PIGQ: variants seen among roughly 807,000 people sequenced by gnomAD.
PIGQ encodes phosphatidylinositol N-acetylglucosaminyltransferase subunit Q.
In PIGQ, 54 loss-of-function variants were observed where a neutral mutation model predicts 60.3. The ratio of observed to expected loss-of-function variants is 0.90; its 90% CI spans 0.72 to 1.12. PIGQ has a LOEUF of 1.12. Ranked by LOEUF, PIGQ falls within the 50% of genes most tolerant of loss-of-function variation. The pLI, the probability that PIGQ is intolerant of heterozygous loss-of-function variation, is 0.00. For missense variants in PIGQ, 799 were observed against 793.5 expected (o/e 1.01, Z -0.08); for synonymous variants, 416 against 363.7 (o/e 1.14, Z -1.64).
chr16:572,325 A>G (rs4984892), intron 1 of PIGQ, among the ~76,000 whole-genome samples: 70,569 of 151,814 alleles, frequency 0.46, 16,828 homozygotes, highest in East Asian at 0.64. Context: ...TGGGCATTTG[A>G]GGAGTTCTGC....
At chr16:573,979 C>G (rs1411608050) in intron 1 of PIGQ, 87 bp from the exon 2 acceptor site, 23 of 926,064 alleles carry the variant, frequency 2.5e-5, no homozygotes, top group South Asian at 3.3e-5. Flanking sequence ...TGTGGCTGCA[C>G]CTGTCAGGCC....
At position 578,523 on chromosome 16, in the gene PIGQ, G is replaced by C; in HGVS notation, c.1069+18G>C. 1 of 1,605,842 alleles carries C rather than the reference G, an allele frequency of 6.2e-7. No individual in the cohort carries two copies. Among genetic ancestry groups the C allele is most frequent in the Non-Finnish European group, 8.5e-7 (1 of 1,175,880 alleles). ...GTGGATCAGTGAGTGCAGGGCAGGC[G>C]GGGGCCCCAGGGACCCCAGAGCTTG... On this transcript the variant is annotated intron_variant, in intron 5 of 10. Transcript: ENST00000321878.
At position 575,703 on chromosome 16, in the gene PIGQ, G is replaced by A. The variant is rs541933059; in HGVS notation, c.690-136G>A. ...GCTGCCTACCACCACCTGGGCCACC[G>A]AGGGCCCCTCCCACCTGCCCCCTGT... On this transcript the variant is annotated intron_variant, in intron 2 of 10. Transcript: ENST00000321878. 37 of 909,050 alleles carry A rather than the reference G, an allele frequency of 4.1e-5. No homozygotes were observed. In the African/African-American group the frequency reaches 4.9e-4, roughly 12 times the overall value. 56.3% of individuals were successfully genotyped at this position (909,050 alleles called of 1,614,324 possible). A position where few individuals can be genotyped will look rare whatever the true frequency, so the allele number is the denominator to read the frequency against.
intron 8 of PIGQ, chr16:580,537 G>A: frequency 1.8e-6 from 1 of 550,958 alleles, no homozygotes; most frequent in Non-Finnish European, 3.3e-6. Flanking sequence ...GCCTCCCCTG[G>A]TGCCTGGCAC....
rs1045283 is a variant in PIGQ, at chr16:583,706, C to A, written c.*671C>A. 3 of 1,533,116 alleles carry A rather than the reference C, an allele frequency of 2.0e-6. No individual in the cohort carries two copies. The highest frequency in any genetic ancestry group is 2.3e-5 in the East Asian group (1 of 44,360). 95.0% of individuals were successfully genotyped at this position (1,533,116 alleles called of 1,614,324 possible). ...GGGAGCAGCCTCAGTGTCAAGGGCC[C>A]GCCCACTGACCCAGCCGTACCTATT... is the stretch of plus-strand genomic sequence containing the variant. On this transcript the variant is annotated 3_prime_UTR_variant, in exon 11 of 11. Transcript: ENST00000321878.
chr16:571,652 G>A (rs1215293990), intron 1 of PIGQ, among the ~76,000 whole-genome samples: 1 of 148,950 alleles, frequency 6.7e-6, no homozygotes, highest in Non-Finnish European at 1.5e-5. Flanking sequence ...AGTCTTTAAA[G>A]ATGCTCACGT....
chr16:576,048 G>T, intron 3 of PIGQ, 78 bp downstream of exon 3: 1 of 1,545,932 alleles, frequency 6.5e-7, no homozygotes, highest in South Asian at 1.2e-5. Flanking sequence ...GCACCACGCT[G>T]ACCCCTCCGG....
chr16:579,343 G>A (rs1008533609), intron 7 of PIGQ, 163 bp downstream of exon 7: 44 of 622,354 alleles, frequency 7.1e-5, no homozygotes, highest in East Asian at 3.8e-4. Context: ...TGGGCTGCAC[G>A]TGGGGCTCTG....
At position 574,647 on chromosome 16, in the gene PIGQ, G is replaced by T. The variant is rs777480754; in HGVS notation, c.573G>T (p.Trp191Cys). 1 of 1,607,860 alleles carries T rather than the reference G, an allele frequency of 6.2e-7. No individual in the cohort carries two copies. The highest frequency in any genetic ancestry group is 8.5e-7 in the Non-Finnish European group (1 of 1,178,950). Reference sequence around the variant, plus strand: ...AGGGCCCCGTGCGGCTGAGCCACTGGCAGTCGGAGGGCGTGGAGGCCAGCA... The same window carrying T: ...AGGGCCCCGTGCGGCTGAGCCACTGTCAGTCGGAGGGCGTGGAGGCCAGCA... ...FDEGPVRLSH[W>C]QSEGVEASIL... Residue 191 changes from tryptophan (W) to cysteine (C), a missense_variant, in exon 2 of 11, where the codon TGG becomes TGT. Trp to Cys is a radical substitution (Grantham distance 215, BLOSUM62 -2). Transcript: ENST00000321878.
chr16:576,718 G>A lies in PIGQ; in HGVS notation c.942+464G>A, dbSNP rs1160895021. 1.2e-5 allele frequency: 5 copies of A among 410,042 alleles called. No individual in the cohort carries two copies. In the Admixed American group the frequency reaches 2.0e-4, roughly 16 times the overall value. 25.4% of individuals were successfully genotyped at this position (410,042 alleles called of 1,614,324 possible). A position where few individuals can be genotyped will look rare whatever the true frequency, so the allele number is the denominator to read the frequency against. On this transcript the variant is annotated intron_variant, in intron 4 of 10. Transcript: ENST00000321878. ...GTAACTCCTGTGCTGAGAGCCAGAG[G>A]CACAGCTTGTCTCCCATCTCCCACC...
chr16:583,174 A>C lies in PIGQ; in HGVS notation c.*139A>C, dbSNP rs753911561. The C allele has an allele frequency of 3.7e-6, 6 of 1,613,268 alleles. No homozygotes were observed. Among genetic ancestry groups the C allele is most frequent in the Non-Finnish European group, 4.2e-6 (5 of 1,179,994 alleles). ...GCTCCTGAACACGGCAGGCCCTGCT[A>C]TCACACCTTGGGCTTGGAGGTCATT... is the stretch of plus-strand genomic sequence containing the variant. On this transcript the variant is annotated 3_prime_UTR_variant, in exon 11 of 11. Transcript: ENST00000321878.
At chr16:582,173 G>A (rs1045619372) in intron 9 of PIGQ, 75 bp from the exon 10 acceptor site, 6 of 1,080,022 alleles carry the variant, frequency 5.6e-6, no homozygotes, top group African/African-American at 4.6e-5. Flanking sequence ...CAGAGAGGAA[G>A]GTACCTGCAG....
In PIGQ at chr16:574,551, G is replaced by A. The variant is rs752792719; in HGVS notation, c.477G>A (p.Thr159=). ...AGGCTGGAGCCACCACTGCCAGCAC[G>A]GGGGGCCTGGCTGCCGTCTTCGACA... ...DRQAGATTAS[T]GGLAAVFDTV... is the part of the protein sequence containing the mutation. Residue 159 remains threonine, a synonymous_variant, in exon 2 of 11, where the codon ACG becomes ACA. Coordinates refer to ENST00000321878, the MANE Select transcript of PIGQ (RefSeq NM_004204.5). 4.7e-5 allele frequency: 75 copies of A among 1,603,890 alleles called. No homozygotes were observed. The highest frequency in any genetic ancestry group is 2.2e-4 in the East Asian group (10 of 44,526).
At chr16:581,602 A>T (rs1320409233) in intron 9 of PIGQ, among the ~76,000 whole-genome samples, 1 of 151,458 alleles carries the variant, frequency 6.6e-6, no homozygotes, top group Admixed American at 6.6e-5. Context: ...AGCTAGGATT[A>T]CAGGTGTGTG....
chr16:583,478 C>G lies in PIGQ; in HGVS notation c.*443C>G, dbSNP rs1291974987. On this transcript the variant is annotated 3_prime_UTR_variant, in exon 11 of 11. Coordinates refer to ENST00000321878, the MANE Select transcript of PIGQ (RefSeq NM_004204.5). Reference sequence around the variant, plus strand: ...AGGGACCTTGCCAGGATGAACCCCCCAGTCCCAGGCACCCTCTAGCTCCCT... The same window carrying G: ...AGGGACCTTGCCAGGATGAACCCCCGAGTCCCAGGCACCCTCTAGCTCCCT... The G allele has an allele frequency of 6.2e-7, 1 of 1,612,756 alleles. No individual in the cohort carries two copies. Among genetic ancestry groups the G allele is most frequent in the Non-Finnish European group, 8.5e-7 (1 of 1,179,924 alleles).
intron 2 of PIGQ, among the ~76,000 whole-genome samples, chr16:575,538 G>A (rs1378457322): frequency 2.0e-5 from 3 of 152,134 alleles, no homozygotes; most frequent in Non-Finnish European, 2.9e-5. Context: ...CCCTGGGCCC[G>A]TGGGAGTTGC....
rs1456391744 is a variant in PIGQ at position 574,241 on chromosome 16, G to C, written c.167G>C (p.Ser56Thr). 6.2e-7 allele frequency: 1 copy of C among 1,610,090 alleles called. No individual in the cohort carries two copies. The highest frequency in any genetic ancestry group is 1.7e-5 in the Admixed American group (1 of 59,970). Residue 56 changes from serine to threonine, a missense_variant, in exon 2 of 11, where the codon AGC becomes ACC. Physicochemically the swap from Ser to Thr is moderately conservative, Grantham distance 58. Transcript: ENST00000321878. Reference sequence around the variant, plus strand: ...CTCCTGGCCCAGGTGCGGCAGGCCAGCCAGGTGGGCGTGGCCGTGCTGGGC... The same window carrying C: ...CTCCTGGCCCAGGTGCGGCAGGCCACCCAGGTGGGCGTGGCCGTGCTGGGC... ...KQLLAQVRQA[S>T]QVGVAVLGTW...
Position 575,878 on chromosome 16 carries a change from A to G in PIGQ, c.729A>G (p.Lys243=), listed in dbSNP as rs1567175445. ...GGCCCCTGTCCTTCCTCGGGAGCAAACTCTCCACGTGCGAACAGCTCCGGC... is the reference window on the plus strand; with the variant it reads ...GGCCCCTGTCCTTCCTCGGGAGCAAGCTCTCCACGTGCGAACAGCTCCGGC... ...KLWPLSFLGS[K]LSTCEQLRHR... is the part of the protein sequence containing the mutation. The change falls in exon 3 of 11, where the codon AAA becomes AAG. Residue 243 remains lysine (K), a synonymous_variant. Coordinates refer to ENST00000321878, the MANE Select transcript of PIGQ (RefSeq NM_004204.5). The G allele has an allele frequency of 1.9e-6, 3 of 1,573,040 alleles. No individual in the cohort carries two copies. Among genetic ancestry groups the G allele is most frequent in the Non-Finnish European group, 2.6e-6 (3 of 1,158,412 alleles).
intron 9 of PIGQ, 111 bp from the exon 10 acceptor site, chr16:582,137 A>ATGG: frequency 1.2e-6 from 1 of 808,528 alleles, no homozygotes; most frequent in South Asian, 1.5e-5. Flanking sequence ...GTGGGTGGCC[A>ATGG]CGGCCAGCAG....
Sources: gnomAD v4.1 joint callset for allele counts (sites outside exome capture counted in the v4.1 genomes callset) on GRCh38, gnomAD v4.1.1 for gene constraint, MANE v1.5 for transcripts, NCBI Gene and HGNC (gene_info 2026-07-23, HGNC 2026-07-21) for gene names.